Variants in MAPT observed in about 807,000 individuals in gnomAD.
MAPT encodes the protein microtubule-associated protein tau.
In MAPT, 34 loss-of-function variants were observed where a neutral mutation model predicts 67.9. The observed-to-expected ratio is 0.50, with a 90% CI of 0.38 to 0.67. The LOEUF (loss-of-function observed/expected upper bound fraction) is 0.67. Among genes scored for constraint, MAPT ranks in the 30% least tolerant of loss-of-function variants. The pLI, the probability that MAPT is intolerant of heterozygous loss-of-function variation, is 0.00. For synonymous variants in MAPT, 456 were observed against 464.5 expected (o/e 0.98, Z 0.23); for missense variants, 881 against 1,115.2 (o/e 0.79, Z 2.99).
intron 1 of MAPT, among the ~76,000 whole-genome samples, chr17:45,909,121 C>G (rs1007465429): frequency 6.6e-6 from 1 of 152,164 alleles, no homozygotes; most frequent in Non-Finnish European, 1.5e-5. Context: ...AAATTAGGAG[C>G]TGGGCAGAGG....
intron 1 of MAPT, among the ~76,000 whole-genome samples, chr17:45,934,520 C>T (rs1422202504): frequency 1.3e-5 from 2 of 152,068 alleles, no homozygotes; most frequent in Non-Finnish European, 2.9e-5. Context: ...ATGGTATCAT[C>T]AGCCATTTGG....
chr17:45,970,589 T>G (rs1304032156), intron 2 of MAPT, among the ~76,000 whole-genome samples: 4 of 152,258 alleles, frequency 2.6e-5, no homozygotes, highest in Admixed American at 1.3e-4. Flanking sequence ...GAAGGTGCTT[T>G]TACCAACATT....
At chr17:45,933,244 C>CTTTTT (rs1568192706) in intron 1 of MAPT, among the ~76,000 whole-genome samples, 1 of 85,476 alleles carries the variant, frequency 1.2e-5, no homozygotes, top group Non-Finnish European at 2.6e-5. Flanking sequence ...TCTCTCTCTC[C>CTTTTT]CTTTTTTTTT....
At chr17:45,903,831 AT>A (rs2063808291) in intron 1 of MAPT, among the ~76,000 whole-genome samples, 1 of 556 alleles carries the variant, frequency 1.8e-3, no homozygotes, top group African/African-American at 2.7e-3. Context: ...TATATTATAT[AT>A]TATATATTTT....
At chr17:46,006,727 A>T (rs969650196) in intron 9 of MAPT, among the ~76,000 whole-genome samples, 2 of 152,024 alleles carry the variant, frequency 1.3e-5, no homozygotes, top group African/African-American at 4.8e-5. Flanking sequence ...ATCCTAGCTA[A>T]CATGGTGAAA....
At chr17:45,965,573 G>T (rs112003311) in intron 2 of MAPT, among the ~76,000 whole-genome samples, 1 of 151,522 alleles carries the variant, frequency 6.6e-6, no homozygotes, top group African/African-American at 2.4e-5. Context: ...CTACCACCAC[G>T]CCTGGCCAGT....
chr17:45,956,223 T>C (rs2069637863), intron 1 of MAPT, among the ~76,000 whole-genome samples: 1 of 152,182 alleles, frequency 6.6e-6, no homozygotes, highest in Admixed American at 6.5e-5. Flanking sequence ...GTGCAGTGTG[T>C]GGGCAGTGGG....
At chr17:45,933,326 C>G (rs991160085) in intron 1 of MAPT, among the ~76,000 whole-genome samples, 1 of 149,940 alleles carries the variant, frequency 6.7e-6, no homozygotes, top group Non-Finnish European at 1.5e-5. Context: ...CTCACTACAT[C>G]CTCTGCCTCC....
At chr17:45,917,890 C>A (rs1374365786) in intron 1 of MAPT, among the ~76,000 whole-genome samples, 1 of 152,044 alleles carries the variant, frequency 6.6e-6, no homozygotes, top group Non-Finnish European at 1.5e-5. Context: ...TCTCATGTCT[C>A]GGCCTCCCGA....
Position 45,983,706 on chromosome 17 carries a change from T to G in MAPT, c.1127T>G (p.Phe376Cys), listed in dbSNP as rs1457352498. Residue 376 changes from phenylalanine (F) to cysteine (C), a missense_variant, in exon 5 of 13, where the codon TTC (phenylalanine) becomes TGC (cysteine). Around this residue, in one of 6 missense-constraint regions of MAPT, gnomAD observed 687 missense variants for 766.1 expected, o/e 0.90. Transcript: ENST00000262410. ...RAKGQDAPLE[F>C]TFHVEITPNV... ...AAAGGGCAGGATGCCCCCCTGGAGT[T>G]CACGTTTCACGTGGAAATCACACCC... 6.2e-7 allele frequency: 1 copy of G among 1,613,932 alleles called. No homozygotes were observed. The highest frequency in any genetic ancestry group is 8.5e-7 in the Non-Finnish European group (1 of 1,179,970).
chr17:46,018,214 C>G (rs2076311912), intron 11 of MAPT, among the ~76,000 whole-genome samples: 1 of 151,636 alleles, frequency 6.6e-6, no homozygotes, highest in Non-Finnish European at 1.5e-5. Context: ...GTAATTTTTC[C>G]TGGGCTGAGC....
At chr17:45,956,567 TA>T (rs1568230511) in intron 1 of MAPT, among the ~76,000 whole-genome samples, 5,030 of 50,576 alleles carry the variant, frequency 0.099, 295 homozygotes, top group South Asian at 0.38. Context: ...TATATATATA[TA>T]TATATATATA....
At chr17:45,932,216 C>T (rs1038661073) in intron 1 of MAPT, 6 of 152,160 alleles carry the variant, frequency 3.9e-5, no homozygotes, top group Non-Finnish European at 5.9e-5. Context: ...AATCTACTTG[C>T]TTAATGCAGG....
At chr17:45,941,016 G>T (rs1052229061) in intron 1 of MAPT, among the ~76,000 whole-genome samples, 2 of 152,182 alleles carry the variant, frequency 1.3e-5, no homozygotes, top group Non-Finnish European at 2.9e-5. Context: ...GGAGACTTGT[G>T]TACAAGGAGT....
intron 12 of MAPT, among the ~76,000 whole-genome samples, chr17:46,018,976 C>G (rs546903811): frequency 6.6e-6 from 1 of 152,038 alleles, no homozygotes; most frequent in Non-Finnish European, 1.5e-5. Flanking sequence ...AGGGGCAGCT[C>G]GGTTGCTGGA....
chr17:45,985,596 C>A, intron 5 of MAPT: 2 of 748,760 alleles, frequency 2.7e-6, no homozygotes, highest in Non-Finnish European at 3.3e-6. Flanking sequence ...CCATTGTGAC[C>A]CTCTGAGAAG....
chr17:45,993,369 GT>G (rs200054730), intron 8 of MAPT, among the ~76,000 whole-genome samples: 4 of 150,698 alleles, frequency 2.7e-5, no homozygotes, highest in African/African-American at 9.8e-5. Flanking sequence ...GGATCCTGCT[GT>G]TTTTTTTTCA....
At position 45,906,355 on chromosome 17, in the gene MAPT, G is replaced by T. The variant is rs2064309257; in HGVS notation, c.-18+11669G>T. ...TCTCATATTCTAATTATGCCTAGGA[G>T]CAGCCTCTCCCCACCACTCACAGTG... On this transcript the variant is annotated intron_variant, in intron 1 of 12. Transcript: ENST00000262410. The surrounding 1 kb of genome is among the most constrained non-coding windows in gnomAD (Gnocchi z 4.3). Among the ~76,000 whole-genome samples the T allele has an allele frequency of 6.6e-6, 1 of 152,136 alleles. No homozygotes were observed. Among genetic ancestry groups the T allele is most frequent in the South Asian group, 2.1e-4 (1 of 4,824 alleles).
chr17:46,002,104 G>A (rs909255364), intron 9 of MAPT, among the ~76,000 whole-genome samples: 1 of 152,226 alleles, frequency 6.6e-6, no homozygotes, highest in African/African-American at 2.4e-5. Flanking sequence ...ACTAAGGGGT[G>A]TGAAGCTTGA....
Sources: allele counts gnomAD v4.1 joint callset (sites outside exome capture counted in the v4.1 genomes callset), GRCh38; gene constraint gnomAD v4.1.1; regional missense constraint gnomAD v4.1.1; non-coding constraint Gnocchi (gnomAD v3.1); transcripts MANE v1.5; gene names NCBI Gene and HGNC (gene_info 2026-07-23, HGNC 2026-07-21).